DPYSL4: variants seen among roughly 807,000 people sequenced by gnomAD.
DPYSL4 encodes dihydropyrimidinase like 4.
In DPYSL4, 43 loss-of-function variants were observed where a neutral mutation model predicts 63.4. The ratio of observed to expected loss-of-function variants is 0.68; its 90% CI spans 0.53 to 0.88. DPYSL4 has a LOEUF of 0.88. DPYSL4 is among the 40% of genes least tolerant of loss of function. The probability of loss-of-function intolerance (pLI) is 0.00; values close to 1 mark genes in which losing one functional copy is unlikely to be tolerated. For synonymous variants in DPYSL4, 353 were observed against 331.7 expected (o/e 1.06, Z -0.70); for missense variants, 733 against 819.5 (o/e 0.89, Z 1.29).
intron 9 of DPYSL4, 21 bp downstream of exon 9, chr10:132,200,533 G>A: frequency 6.2e-7 from 1 of 1,611,342 alleles, no homozygotes; most frequent in Non-Finnish European, 8.5e-7. Flanking sequence ...TCTCCAGGTG[G>A]CCCCAGGTTG....
chr10:132,187,192 G>C, intron 1 of DPYSL4, 90 bp downstream of exon 1: 1 of 939,358 alleles, frequency 1.1e-6, no homozygotes, highest in Non-Finnish European at 1.6e-6. Flanking sequence ...TCTTGTGCGT[G>C]GGTGGGGGGT....
At chr10:132,190,663 A>T in intron 1 of DPYSL4, 84 bp from the exon 2 acceptor site, 1 of 1,355,614 alleles carries the variant, frequency 7.4e-7, no homozygotes, top group Non-Finnish European at 1.0e-6. Context: ...TGTTTCAGTC[A>T]TAATTTCAGA....
At chr10:132,195,286 G>C (rs112920518) in intron 4 of DPYSL4, among the ~76,000 whole-genome samples, 1 of 152,208 alleles carries the variant, frequency 6.6e-6, no homozygotes, top group African/African-American at 2.4e-5. Context: ...AGGCTGCCCA[G>C]GGTGGAAGAG....
intron 13 of DPYSL4, 27 bp downstream of exon 13, chr10:132,203,954 G>C (rs376249533): frequency 6.3e-7 from 1 of 1,579,424 alleles, no homozygotes; most frequent in Non-Finnish European, 8.6e-7. Context: ...GCACCAGTGG[G>C]GGTGAGGGGC....
At chr10:132,195,114 G>A in intron 4 of DPYSL4, 105 bp downstream of exon 4, 1 of 1,349,904 alleles carries the variant, frequency 7.4e-7, no homozygotes, top group Non-Finnish European at 9.8e-7. Context: ...CTGGGGGCTG[G>A]TGTCCAGGTT....
chr10:132,202,712 G>C lies in DPYSL4; in HGVS notation c.1348G>C (p.Gly450Arg). The C allele has an allele frequency of 6.2e-7, 1 of 1,613,480 alleles. No homozygotes were observed. ...AGCGCCTGCCGTGGTCATAAGTCAG[G>C]GCCGAGTGGCGCTGGAGGACGGGAA... ...RGAPAVVISQ[G>R]RVALEDGKMF... Residue 450 changes from glycine (G) to arginine (R), a missense_variant, in exon 12 of 14, where the codon GGC (glycine) becomes CGC (arginine). Transcript: ENST00000338492.
At chr10:132,201,797 G>A in intron 10 of DPYSL4, 149 bp from the exon 11 acceptor site, 1 of 840,646 alleles carries the variant, frequency 1.2e-6, no homozygotes, top group Non-Finnish European at 1.8e-6. Context: ...CAACCTTGTG[G>A]GGGGCCTGGT....
intron 1 of DPYSL4, among the ~76,000 whole-genome samples, chr10:132,190,042 C>T (rs2137499110): frequency 6.6e-6 from 1 of 152,376 alleles, no homozygotes. Context: ...GGAACGCTCG[C>T]CATGTCTGCC....
intron 8 of DPYSL4, 119 bp downstream of exon 8, chr10:132,199,090 G>T (rs2061980561): frequency 7.1e-7 from 1 of 1,410,554 alleles, no homozygotes; most frequent in Non-Finnish European, 9.4e-7. Flanking sequence ...TGGACCCTGA[G>T]TCCCTGCATC....
At position 132,198,471 on chromosome 10, in the gene DPYSL4, C is replaced by T; in HGVS notation, c.678C>T (p.Ser226=). 6.2e-7 allele frequency: 1 copy of T among 1,603,634 alleles called. No individual in the cohort carries two copies. Among genetic ancestry groups the T allele is most frequent in the South Asian group, 1.1e-5 (1 of 89,424 alleles). Residue 226 remains serine, a synonymous_variant, in exon 7 of 14, where the codon AGC becomes AGT. Transcript: ENST00000338492. ...CTGGCCCCGAGGGCCACGTGCTCAG[C>T]CACCCCGAGGAGGTAAGATCCCAGG... ...GITGPEGHVL[S]HPEEVEAEAV... is the part of the protein sequence containing the mutation.
intron 13 of DPYSL4, among the ~76,000 whole-genome samples, 158 bp from the exon 14 acceptor site, chr10:132,204,681 G>A (rs1054317979): frequency 3.3e-5 from 5 of 152,176 alleles, no homozygotes; most frequent in East Asian, 1.9e-4. Flanking sequence ...GAGTCCTGCC[G>A]GGCACCTGGT....
At chr10:132,202,444 A>G (rs1351547116) in intron 11 of DPYSL4, among the ~76,000 whole-genome samples, 1 of 152,150 alleles carries the variant, frequency 6.6e-6, no homozygotes, top group Non-Finnish European at 1.5e-5. Flanking sequence ...GAGAAACGGG[A>G]CTCAGAAACG....
intron 4 of DPYSL4, among the ~76,000 whole-genome samples, chr10:132,195,397 T>C (rs1565041111): frequency 6.6e-6 from 1 of 152,202 alleles, no homozygotes; most frequent in Non-Finnish European, 1.5e-5. Flanking sequence ...CAGATCAGTC[T>C]ATAAACAAGT....
chr10:132,198,404 G>T lies in DPYSL4; in HGVS notation c.622-11G>T. ...AGGGCTTGGAGCGAGGCATCCTGTT[G>T]GTTTCTTTAGGAGCAGAAGCGGTTG... On this transcript the variant is annotated splice_polypyrimidine_tract_variant and intron_variant, in intron 6 of 13. Transcript: ENST00000338492. 2 of 1,603,242 alleles carry T rather than the reference G, an allele frequency of 1.2e-6. No individual in the cohort carries two copies. Among genetic ancestry groups the T allele is most frequent in the Non-Finnish European group, 1.7e-6 (2 of 1,176,258 alleles).
chr10:132,201,122 T>A, intron 10 of DPYSL4, 139 bp downstream of exon 10: 3 of 1,297,248 alleles, frequency 2.3e-6, no homozygotes, highest in Non-Finnish European at 3.1e-6. Flanking sequence ...GGGTGGCGGA[T>A]TCCCCACCCA....
At chr10:132,203,951 TG>T (rs768444909) in intron 13 of DPYSL4, 24 bp downstream of exon 13, 85 of 1,581,136 alleles carry the variant, frequency 5.4e-5, no homozygotes, top group Non-Finnish European at 7.3e-5. Context: ...GGGGCACCAG[TG>T]GGGGTGAGGG....
chr10:132,202,873 T>C, intron 12 of DPYSL4, 48 bp downstream of exon 12: 1 of 1,550,354 alleles, frequency 6.5e-7, no homozygotes, highest in Non-Finnish European at 8.7e-7. Flanking sequence ...AGGTGGGCGC[T>C]GAGTTCTAGG....
intron 1 of DPYSL4, among the ~76,000 whole-genome samples, chr10:132,188,368 C>T (rs913872878): frequency 1.3e-5 from 2 of 152,220 alleles, no homozygotes; most frequent in African/African-American, 4.8e-5. Flanking sequence ...CCAGACCACA[C>T]GTCTCCTCAA....
chr10:132,202,204 C>T (rs1590105515), intron 11 of DPYSL4, 88 bp downstream of exon 11: 6 of 1,497,582 alleles, frequency 4.0e-6, no homozygotes, highest in African/African-American at 2.8e-5. Context: ...AGGACAGAGG[C>T]CCACGTGGCA....
Sources: gnomAD v4.1 joint callset for allele counts (sites outside exome capture counted in the v4.1 genomes callset) on GRCh38, gnomAD v4.1.1 for gene constraint, MANE v1.5 for transcripts, NCBI Gene and HGNC (gene_info 2026-07-23, HGNC 2026-07-21) for gene names.